ADAM10: variants seen among roughly 807,000 people sequenced by gnomAD.
The protein encoded by ADAM10 is disintegrin and metalloproteinase domain-containing protein 10.
Under a neutral mutation model 90.1 loss-of-function variants are expected in ADAM10, and 17 were observed. That is an observed-to-expected ratio of 0.19 (90% CI 0.13 to 0.28). The LOEUF is 0.28. ADAM10 is among the 10% of genes least tolerant of loss of function. ADAM10 has a pLI of 1.00. For missense variants in ADAM10, 610 were observed against 914.3 expected (o/e 0.67, Z 4.29); for synonymous variants, 310 against 298.6 (o/e 1.04, Z -0.40).
rs768503582 is a variant in ADAM10 at position 58,640,764 on chromosome 15, T to C, written c.1012+13A>G. ...AAGTAGTAAGTTAAGACATATTTAA[T>C]ATGATAAACTACCTGAAGGTGCTCC... On this transcript the variant is annotated intron_variant, in intron 8 of 15. Transcript: ENST00000260408. 3 of 1,612,284 alleles carry C rather than the reference T, an allele frequency of 1.9e-6. No individual in the cohort carries two copies. Among genetic ancestry groups the C allele is most frequent in the Non-Finnish European group, 2.5e-6 (3 of 1,178,604 alleles).
At chr15:58,696,338 A>T (rs566961575) in intron 2 of ADAM10, among the ~76,000 whole-genome samples, 60 of 152,192 alleles carry the variant, frequency 3.9e-4, no homozygotes, top group African/African-American at 1.4e-3. Context: ...TACCCAAAGA[A>T]ATATTTATGT....
intron 8 of ADAM10, among the ~76,000 whole-genome samples, chr15:58,638,223 T>C (rs1896320277): frequency 6.6e-6 from 1 of 151,194 alleles, no homozygotes; most frequent in Non-Finnish European, 1.5e-5. Context: ...GAGATAATAA[T>C]ATAAAAGGAA....
chr15:58,611,256 G>A, intron 12 of ADAM10, 149 bp from the exon 13 acceptor site: 2 of 651,430 alleles, frequency 3.1e-6, no homozygotes, highest in Non-Finnish European at 5.5e-6. Flanking sequence ...TATCAAAACT[G>A]AATTACATAA....
In ADAM10 at chr15:58,749,619, G is replaced by T. The variant is rs1899915457; in HGVS notation, c.-85C>A. On this transcript the variant is annotated 5_prime_UTR_variant, in exon 1 of 16. Coordinates refer to ENST00000260408, the MANE Select transcript of ADAM10 (RefSeq NM_001110.4). ...CGGAGGGAGAAGCTGAAGGGGCTTG[G>T]TCCGGAGCCTCCACGGGAAGCCGGG... is the stretch of plus-strand genomic sequence containing the variant. 2 of 1,541,330 alleles carry T rather than the reference G, an allele frequency of 1.3e-6. No individual in the cohort carries two copies. Among genetic ancestry groups the T allele is most frequent in the African/African-American group, 1.4e-5 (1 of 72,518 alleles).
At chr15:58,675,302 T>C (rs1897285029) in intron 4 of ADAM10, among the ~76,000 whole-genome samples, 1 of 152,194 alleles carries the variant, frequency 6.6e-6, no homozygotes, top group Non-Finnish European at 1.5e-5. Context: ...CATATACAAT[T>C]AAAATATATT....
intron 2 of ADAM10, among the ~76,000 whole-genome samples, chr15:58,690,273 A>T (rs750094560): frequency 4.6e-5 from 7 of 152,208 alleles, no homozygotes; most frequent in Non-Finnish European, 1.0e-4. Flanking sequence ...ACTCCAGTTA[A>T]CATCATACTT....
At position 58,591,431 on chromosome 15, in the gene ADAM10, CTTT is replaced by C. The variant is rs139579969; in HGVS notation, c.*6113_*6115del. 29 of 148,154 alleles carry C rather than the reference CTTT, an allele frequency of 2.0e-4. No individual in the cohort carries two copies. The highest frequency in any genetic ancestry group is 2.0e-3 in the Admixed American group (29 of 14,854). The allele number at this position is 148,154 out of a possible 1,614,324, so 9.2% of individuals were successfully genotyped here. On this transcript the variant is annotated 3_prime_UTR_variant, in exon 16 of 16. Coordinates refer to ENST00000260408, the MANE Select transcript of ADAM10 (RefSeq NM_001110.4). The stretch of plus-strand genomic sequence containing the variant: ...AGGAATTTGATTCACATTTAAAACA[CTTT>C]TTTTTTTTCTTTGAGATGGAGTCTC...
intron 13 of ADAM10, 156 bp downstream of exon 13, chr15:58,610,843 G>A (rs1895418788): frequency 5.8e-6 from 4 of 686,890 alleles, no homozygotes; most frequent in Admixed American, 2.4e-5. Flanking sequence ...TAATAATAGA[G>A]ACACAATGCT....
intron 2 of ADAM10, chr15:58,704,089 A>G (rs1386935105): frequency 6.6e-6 from 1 of 152,326 alleles, no homozygotes; most frequent in African/African-American, 2.4e-5. Context: ...AGCCAGCCAG[A>G]TCAGTCGAAT....
chr15:58,697,497 G>C (rs964109036), intron 2 of ADAM10, among the ~76,000 whole-genome samples: 6 of 152,088 alleles, frequency 3.9e-5, no homozygotes, highest in Non-Finnish European at 7.4e-5. Context: ...TCTCCTAGGG[G>C]CCTGAGATTT....
At chr15:58,722,173 T>G (rs1898877121) in intron 1 of ADAM10, among the ~76,000 whole-genome samples, 1 of 151,650 alleles carries the variant, frequency 6.6e-6, no homozygotes, top group African/African-American at 2.4e-5. Flanking sequence ...AACCCCCGTC[T>G]CCACTAAAAA....
At chr15:58,685,160 T>TAAAA (rs140613738) in intron 2 of ADAM10, among the ~76,000 whole-genome samples, 2 of 119,118 alleles carry the variant, frequency 1.7e-5, no homozygotes, top group African/African-American at 3.0e-5. Context: ...TTATATTAAG[T>TAAAA]AAAAAAAAAA....
At chr15:58,734,753 A>G (rs1198502588) in intron 1 of ADAM10, among the ~76,000 whole-genome samples, 1 of 152,080 alleles carries the variant, frequency 6.6e-6, no homozygotes, top group East Asian at 1.9e-4. Flanking sequence ...AATACAGCAC[A>G]TGGCAAAAAC....
intron 2 of ADAM10, chr15:58,698,403 CT>C: frequency 6.0e-6 from 1 of 166,780 alleles, no homozygotes; most frequent in South Asian, 4.7e-5. Flanking sequence ...AAAACCCCAT[CT>C]CTAAAAAAAA....
At chr15:58,736,682 A>G (rs1407908122) in intron 1 of ADAM10, among the ~76,000 whole-genome samples, 1 of 152,156 alleles carries the variant, frequency 6.6e-6, no homozygotes, top group African/African-American at 2.4e-5. Context: ...AAGGCATACA[A>G]ATATTAACTA....
At chr15:58,664,989 A>G (rs1479522396) in intron 5 of ADAM10, 108 bp downstream of exon 5, 3 of 887,842 alleles carry the variant, frequency 3.4e-6, no homozygotes, top group Non-Finnish European at 5.6e-6. Flanking sequence ...CATTCCCCAC[A>G]GTGGTGTTAA....
intron 10 of ADAM10, 39 bp downstream of exon 10, chr15:58,627,661 G>A: frequency 6.3e-7 from 1 of 1,575,068 alleles, no homozygotes; most frequent in Non-Finnish European, 8.7e-7. Context: ...CTGAATGTTT[G>A]AAAATGTTCA....
At chr15:58,633,427 GC>G in intron 8 of ADAM10, 68 bp from the exon 9 acceptor site, 1 of 1,309,500 alleles carries the variant, frequency 7.6e-7, no homozygotes, top group East Asian at 2.3e-5. Context: ...GGTAATACAT[GC>G]TATATTAAAT....
intron 14 of ADAM10, among the ~76,000 whole-genome samples, chr15:58,604,164 C>T (rs928453938): frequency 3.3e-5 from 5 of 152,038 alleles, no homozygotes; most frequent in Admixed American, 1.3e-4. Flanking sequence ...GTGTTCAAGA[C>T]CAGCCTGGCC....
Sources: allele counts gnomAD v4.1 joint callset (sites outside exome capture counted in the v4.1 genomes callset), GRCh38; gene constraint gnomAD v4.1.1; transcripts MANE v1.5; gene names NCBI Gene and HGNC (gene_info 2026-07-23, HGNC 2026-07-21).